Variants in FERMT1 observed in about 807,000 individuals in gnomAD.
The protein encoded by FERMT1 is FERM domain containing kindlin 1.
FERMT1 carries 60 observed loss-of-function variants against 85.3 expected under a neutral mutation model. The ratio of observed to expected loss-of-function variants is 0.70; its 90% CI spans 0.57 to 0.87. FERMT1 has a LOEUF of 0.87. Ranked by LOEUF, FERMT1 falls within the 40% of genes least tolerant of loss-of-function variation. The probability of loss-of-function intolerance (pLI) is 0.00; values close to 1 mark genes in which losing one functional copy is unlikely to be tolerated. For missense variants in FERMT1, 701 were observed against 818.9 expected (o/e 0.86, Z 1.76); for synonymous variants, 275 against 301.1 (o/e 0.91, Z 0.90).
At chr20:6,120,811 A>G (rs1983252202) in intron 1 of FERMT1, among the ~76,000 whole-genome samples, 1 of 152,226 alleles carries the variant, frequency 6.6e-6, no homozygotes, top group Admixed American at 6.5e-5. Flanking sequence ...GGGAGGGGCC[A>G]TACATTTCTT....
intron 8 of FERMT1, among the ~76,000 whole-genome samples, chr20:6,095,950 A>G (rs1982487581): frequency 6.6e-6 from 1 of 152,230 alleles, no homozygotes; most frequent in Admixed American, 6.5e-5. Flanking sequence ...TGTGATTAAT[A>G]ATTATTCCCA....
chr20:6,100,732 G>T lies in FERMT1; in HGVS notation c.850-3101C>A, dbSNP rs577797159. On this transcript the variant is annotated intron_variant, in intron 6 of 14. Transcript: ENST00000217289. ...AAGTCTATTCTAAGCAAGACAAGAG[G>T]CCTAAAAGTTGTGATGCATAAGGCT... Among the ~76,000 whole-genome samples, 49 of 152,168 alleles carry T rather than the reference G, an allele frequency of 3.2e-4. 1 individual carries two copies. Among genetic ancestry groups the T allele is most frequent in the African/African-American group, 9.9e-4 (41 of 41,512 alleles).
chr20:6,122,550 A>C (rs907434637), intron 1 of FERMT1, among the ~76,000 whole-genome samples: 3 of 151,998 alleles, frequency 2.0e-5, no homozygotes, highest in African/African-American at 7.2e-5. Flanking sequence ...CATGCCCCTT[A>C]CTCCCATTAA....
intron 6 of FERMT1, among the ~76,000 whole-genome samples, chr20:6,107,294 C>A (rs142123963): frequency 6.6e-6 from 1 of 151,984 alleles, no homozygotes; most frequent in South Asian, 2.1e-4. Flanking sequence ...GTGCATGCCA[C>A]GCTAGGCGCA....
rs776468204 is a variant in FERMT1 at position 6,084,144 on chromosome 20, C to T, written c.1614G>A (p.Glu538=). 6 of 1,613,072 alleles carry T rather than the reference C, an allele frequency of 3.7e-6. No homozygotes were observed. The South Asian group carries it at 4.4e-5, about 12-fold the overall frequency. Residue 538 remains glutamate (E), a synonymous_variant, in exon 13 of 15, where the codon GAG becomes GAA. Coordinates refer to ENST00000217289, the MANE Select transcript of FERMT1 (RefSeq NM_017671.5). The part of the protein sequence containing the change: ...KSKQLAARIL[E]AHQNVAQMPL... ...GCATCTGGGCCACGTTCTGGTGCGC[C>T]TCCAGGATCCGGGCGGCCAGCTGAA...
intron 2 of FERMT1, among the ~76,000 whole-genome samples, chr20:6,117,435 A>ATT (rs200977686): frequency 3.2e-5 from 4 of 124,764 alleles, no homozygotes; most frequent in African/African-American, 9.4e-5. Context: ...TGTCAGTCTA[A>ATT]TTTTTTTTTT....
intron 4 of FERMT1, among the ~76,000 whole-genome samples, chr20:6,111,778 T>TA (rs1568664191): frequency 6.6e-6 from 1 of 152,074 alleles, no homozygotes; most frequent in Non-Finnish European, 1.5e-5. Flanking sequence ...GCATGCCCCA[T>TA]AAAAAACTGA....
chr20:6,106,290 G>A (rs1265735329), intron 6 of FERMT1, among the ~76,000 whole-genome samples: 1 of 152,186 alleles, frequency 6.6e-6, no homozygotes, highest in Non-Finnish European at 1.5e-5. Flanking sequence ...CAAGGGACAA[G>A]GTTTGTTTTG....
chr20:6,075,133 AC>A lies in FERMT1; in HGVS notation c.*2039del, dbSNP rs1981779138. 6.6e-6 allele frequency: 1 copy of A among 151,912 alleles called. No individual in the cohort carries two copies. The highest frequency in any genetic ancestry group is 1.9e-4 in the East Asian group (1 of 5,298). The allele number at this position is 151,912 out of a possible 1,614,324, so 9.4% of individuals were successfully genotyped here. On this transcript the variant is annotated 3_prime_UTR_variant, in exon 15 of 15. Coordinates refer to ENST00000217289, the MANE Select transcript of FERMT1 (RefSeq NM_017671.5). Reference sequence around the variant, plus strand: ...AAGAAACGCTCCCCTGAAAACTGTAACCAAACAAAGTTTGGTTAAAACAAAG... The same window carrying A: ...AAGAAACGCTCCCCTGAAAACTGTAACAAACAAAGTTTGGTTAAAACAAAG...
intron 3 of FERMT1, 33 bp from the exon 4 acceptor site, chr20:6,112,656 A>C: frequency 2.8e-6 from 4 of 1,427,844 alleles, no homozygotes; most frequent in Non-Finnish European, 3.8e-6. Context: ...AATGAAGAAA[A>C]AGTAAAAAGA....
chr20:6,083,499 G>A (rs367787940), intron 13 of FERMT1, among the ~76,000 whole-genome samples: 28 of 152,058 alleles, frequency 1.8e-4, no homozygotes, highest in African/African-American at 5.5e-4. Flanking sequence ...CACACCACGA[G>A]ACACTATGAG....
intron 9 of FERMT1, among the ~76,000 whole-genome samples, chr20:6,090,717 T>A (rs1299619465): frequency 3.3e-5 from 5 of 152,028 alleles, no homozygotes; most frequent in African/African-American, 1.2e-4. Flanking sequence ...GAGTAAGGAC[T>A]TGTTTCTAAA....
intron 5 of FERMT1, among the ~76,000 whole-genome samples, chr20:6,109,016 C>A (rs1019313308): frequency 1.3e-5 from 2 of 152,090 alleles, no homozygotes; most frequent in Admixed American, 1.3e-4. Flanking sequence ...GCTGTTAGTG[C>A]CACATTTTAA....
At chr20:6,106,199 A>G (rs998026778) in intron 6 of FERMT1, among the ~76,000 whole-genome samples, 4 of 152,202 alleles carry the variant, frequency 2.6e-5, no homozygotes, top group African/African-American at 9.7e-5. Flanking sequence ...TTTTGCCATG[A>G]TTCACTTATG....
Position 6,085,244 on chromosome 20 carries a change from G to A in FERMT1, c.1415C>T (p.Ser472Leu), listed in dbSNP as rs150472152. 156 of 1,613,936 alleles carry A rather than the reference G, an allele frequency of 9.7e-5. No homozygotes were observed. The highest frequency in any genetic ancestry group is 1.7e-4 in the Middle Eastern group (1 of 6,030). The change falls in exon 12 of 15, where the codon TCG (serine) becomes TTG (leucine). Residue 472 changes from serine to leucine, a missense_variant. Transcript: ENST00000217289. ...GCTGTCTGCCATGGTTTTGCCCTTC[G>A]ATGCCAACATGCAGGCAGCCATCCA... Reference protein sequence around the residue: ...AQWMAACMLASKGKTMADSSY... With the variant: ...AQWMAACMLALKGKTMADSSY...
At chr20:6,119,679 C>T in intron 1 of FERMT1, 107 bp from the exon 2 acceptor site, 2 of 891,720 alleles carry the variant, frequency 2.2e-6, no homozygotes, top group South Asian at 1.6e-5. Context: ...TCATTGTAAC[C>T]TCCTCTTCAA....
chr20:6,089,786 G>A (rs1392272593), intron 9 of FERMT1, among the ~76,000 whole-genome samples: 1 of 152,170 alleles, frequency 6.6e-6, no homozygotes, highest in Non-Finnish European at 1.5e-5. Context: ...TATCTGTTGG[G>A]GCCAGAAAAC....
Position 6,085,405 on chromosome 20 carries a change from T to C in FERMT1, c.1372-118A>G, listed in dbSNP as rs1220975220. On this transcript the variant is annotated intron_variant, in intron 11 of 14. Coordinates refer to ENST00000217289, the MANE Select transcript of FERMT1 (RefSeq NM_017671.5). Reference sequence around the variant, plus strand: ...CAAAACCATCACCTTCCAAGCAAGATGTGAAGTGGCACACGTTGTGAGTGG... The same window carrying C: ...CAAAACCATCACCTTCCAAGCAAGACGTGAAGTGGCACACGTTGTGAGTGG... The C allele has an allele frequency of 7.0e-6, 6 of 854,030 alleles. No homozygotes were observed. In the African/African-American group the frequency reaches 1.0e-4, roughly 14 times the overall value. The allele number at this position is 854,030 out of a possible 1,614,324, so 52.9% of individuals were successfully genotyped here.
At chr20:6,096,118 G>A (rs1016156135) in intron 8 of FERMT1, among the ~76,000 whole-genome samples, 5 of 152,330 alleles carry the variant, frequency 3.3e-5, no homozygotes, top group South Asian at 2.1e-4. Context: ...GTCTCCTGAA[G>A]TCAAAAGCAT....
Sources: allele counts gnomAD v4.1 joint callset (sites outside exome capture counted in the v4.1 genomes callset), GRCh38; gene constraint gnomAD v4.1.1; transcripts MANE v1.5; gene names NCBI Gene and HGNC (gene_info 2026-07-23, HGNC 2026-07-21).